DOP1B: variants seen among roughly 807,000 people sequenced by gnomAD.
DOP1B encodes the protein DOP1 leucine zipper like protein B, also known as protein DOP1B.
DOP1B carries 174 observed loss-of-function variants against 233.5 expected under a neutral mutation model. That is an observed-to-expected ratio of 0.75 (90% confidence interval 0.66 to 0.85). DOP1B has a LOEUF of 0.85. Ranked by LOEUF, DOP1B falls within the 40% of genes least tolerant of loss-of-function variation. The probability of loss-of-function intolerance (pLI) is 0.00; values close to 1 mark genes in which losing one functional copy is unlikely to be tolerated. For synonymous variants in DOP1B, 1,190 were observed against 1,185.6 expected, an observed-to-expected ratio of 1.00 and a Z score of -0.08; for missense variants, 2,652 against 2,846.6, an observed-to-expected ratio of 0.93 and a Z score of 1.56.
rs575265668 is a variant in DOP1B at position 36,253,599 on chromosome 21, C to T, written c.5122-173C>T. Among the ~76,000 whole-genome samples the T allele has an allele frequency of 6.7e-5, 10 of 150,102 alleles. No homozygotes were observed. In the East Asian group the frequency reaches 2.0e-3, roughly 29 times the overall value. ...CGTGGTGGTGGCCAAGATCGCACCACTGCACTCCAGCCTGGGTGACAGAGT... is the reference window on the plus strand; with the variant it reads ...CGTGGTGGTGGCCAAGATCGCACCATTGCACTCCAGCCTGGGTGACAGAGT... On this transcript the variant is annotated intron_variant, in intron 22 of 36. Transcript: ENST00000691173.
At chr21:36,280,398 A>T in intron 31 of DOP1B, 52 bp downstream of exon 31, 4 of 1,330,892 alleles carry the variant, frequency 3.0e-6, no homozygotes, top group Non-Finnish European at 4.3e-6. Context: ...ATCAATGCCA[A>T]TATAACCAGC....
chr21:36,227,414 G>GCA (rs2066703467), intron 12 of DOP1B, among the ~76,000 whole-genome samples: 2 of 151,174 alleles, frequency 1.3e-5, no homozygotes. Flanking sequence ...GGGCGTGGTG[G>GCA]TGGGCACCTG....
intron 2 of DOP1B, among the ~76,000 whole-genome samples, chr21:36,181,435 C>T (rs1205887082): frequency 1.7e-4 from 26 of 152,196 alleles, no homozygotes; most frequent in African/African-American, 4.8e-4. Flanking sequence ...TGTGCCACCA[C>T]GCCCGGCTAA....
At chr21:36,235,610 C>T (rs543250033) in intron 15 of DOP1B, among the ~76,000 whole-genome samples, 1 of 151,928 alleles carries the variant, frequency 6.6e-6, no homozygotes, top group Non-Finnish European at 1.5e-5. Flanking sequence ...CACCTGTAGT[C>T]CCAGCTACTT....
At chr21:36,222,817 C>T (rs2066641629) in intron 10 of DOP1B, among the ~76,000 whole-genome samples, 1 of 151,940 alleles carries the variant, frequency 6.6e-6, no homozygotes, top group Non-Finnish European at 1.5e-5. Context: ...CTCACTGCAA[C>T]CTCCGCCTCC....
chr21:36,293,578 G>A lies in DOP1B; in HGVS notation c.*7G>A. Reference sequence around the variant, plus strand: ...GGAACATCCAGAATGTTAACCATGTGAGAGAGAATATGTTTAATCCATGTA... The same window carrying A: ...GGAACATCCAGAATGTTAACCATGTAAGAGAGAATATGTTTAATCCATGTA... On this transcript the variant is annotated 3_prime_UTR_variant, in exon 37 of 37. Coordinates refer to ENST00000691173, the MANE Select transcript of DOP1B (RefSeq NM_001320714.2). 1 of 1,613,608 alleles carries A rather than the reference G, an allele frequency of 6.2e-7. No individual in the cohort carries two copies. Among genetic ancestry groups the A allele is most frequent in the Non-Finnish European group, 8.5e-7 (1 of 1,179,622 alleles).
chr21:36,262,397 G>A (rs1267609381), intron 24 of DOP1B, among the ~76,000 whole-genome samples: 6 of 152,322 alleles, frequency 3.9e-5, no homozygotes, highest in African/African-American at 9.6e-5. Flanking sequence ...CACTCTGACT[G>A]TAGTCTGAGC....
intron 18 of DOP1B, among the ~76,000 whole-genome samples, chr21:36,244,825 A>G (rs1027247551): frequency 1.3e-5 from 2 of 152,246 alleles, no homozygotes; most frequent in East Asian, 1.9e-4. Context: ...TACTATAACA[A>G]TGTAACTAAA....
chr21:36,162,669 A>C lies in DOP1B; in HGVS notation c.-26-2039A>C, dbSNP rs548820656. ...GCAATGCTCATGCCTCATCCTCCCG[A>C]GTAGCTGGGACAGGTGTGTGCCACC... On this transcript the variant is annotated intron_variant, in intron 1 of 36. Coordinates refer to ENST00000691173, the MANE Select transcript of DOP1B (RefSeq NM_001320714.2). Among the ~76,000 whole-genome samples, 8 of 152,046 alleles carry C rather than the reference A, an allele frequency of 5.3e-5. No individual in the cohort carries two copies. The East Asian group carries it at 1.4e-3, about 26-fold the overall frequency.
chr21:36,188,372 T>C (rs2066190334), intron 2 of DOP1B, among the ~76,000 whole-genome samples: 2 of 152,172 alleles, frequency 1.3e-5, no homozygotes, highest in Non-Finnish European at 2.9e-5. Flanking sequence ...CTCCAGCTTA[T>C]CTCTTGCCAC....
intron 7 of DOP1B, 152 bp from the exon 8 acceptor site, chr21:36,213,929 A>G: frequency 1.6e-6 from 1 of 613,484 alleles, no homozygotes; most frequent in East Asian, 2.8e-5. Context: ...CTGTCAGAAG[A>G]AGAAAATCTG....
Position 36,237,448 on chromosome 21 carries a change from G to A in DOP1B, c.2775+34G>A, listed in dbSNP as rs375407574. 10 of 1,611,512 alleles carry A rather than the reference G, an allele frequency of 6.2e-6. No individual in the cohort carries two copies. In the African/African-American group the frequency reaches 1.1e-4, roughly 17 times the overall value. ...TTCTGGCCGCCACCTCCATCCTGCA[G>A]CACCCCGGCCCCTGCTGTACGTGCC... is the stretch of plus-strand genomic sequence containing the variant. On this transcript the variant is annotated intron_variant, in intron 16 of 36. Transcript: ENST00000691173.
At chr21:36,216,337 G>A (rs1386606925) in intron 9 of DOP1B, among the ~76,000 whole-genome samples, 1 of 141,492 alleles carries the variant, frequency 7.1e-6, no homozygotes, top group Non-Finnish European at 1.5e-5. Context: ...GCGGCCAGGT[G>A]TGGTGGCTCA....
chr21:36,205,339 G>A (rs1038256945), intron 4 of DOP1B, among the ~76,000 whole-genome samples: 2 of 152,044 alleles, frequency 1.3e-5, no homozygotes, highest in Non-Finnish European at 2.9e-5. Flanking sequence ...GGAAATACTT[G>A]GGGTTTGGAA....
chr21:36,175,753 G>A (rs1033567202), intron 2 of DOP1B: 6 of 152,254 alleles, frequency 3.9e-5, no homozygotes, highest in Non-Finnish European at 5.9e-5. Context: ...AGATGGCACT[G>A]CTGTTCTCTA....
chr21:36,190,999 G>T (rs983081629), intron 2 of DOP1B, among the ~76,000 whole-genome samples: 5 of 152,148 alleles, frequency 3.3e-5, no homozygotes, highest in African/African-American at 1.2e-4. Context: ...GCTCAGAGAA[G>T]GAAAAGTCAC....
intron 9 of DOP1B, 146 bp downstream of exon 9, chr21:36,214,702 G>T: frequency 1.3e-6 from 1 of 789,474 alleles, no homozygotes. Context: ...CATGTTATAT[G>T]GTTCAATGAT....
chr21:36,254,397 G>C (rs887637486), intron 23 of DOP1B, among the ~76,000 whole-genome samples: 1 of 152,160 alleles, frequency 6.6e-6, no homozygotes, highest in Non-Finnish European at 1.5e-5. Context: ...GATGAGGGAG[G>C]AGGGAGGGGG....
At position 36,199,015 on chromosome 21, in the gene DOP1B, C is replaced by T. The variant is rs970446879; in HGVS notation, c.139-55C>T. The T allele has an allele frequency of 1.2e-5, 19 of 1,566,434 alleles. No homozygotes were observed. In the African/African-American group the frequency reaches 2.0e-4, roughly 17 times the overall value. Reference sequence around the variant, plus strand: ...CTCTGGCTTCAGCAGATCCACTCTCCATTGTAAATATCGCTGCCTTCTTCC... The same window carrying T: ...CTCTGGCTTCAGCAGATCCACTCTCTATTGTAAATATCGCTGCCTTCTTCC... On this transcript the variant is annotated intron_variant, in intron 2 of 36. Transcript: ENST00000691173.
Sources: gnomAD v4.1 joint callset for allele counts (sites outside exome capture counted in the v4.1 genomes callset) on GRCh38, gnomAD v4.1.1 for gene constraint, MANE v1.5 for transcripts, NCBI Gene and HGNC (gene_info 2026-07-23, HGNC 2026-07-21) for gene names.